The following BRINP3 variants were observed in gnomAD, a reference collection of about 807,000 sequenced individuals.
BRINP3 encodes the protein BMP/retinoic acid-inducible neural-specific protein 3.
Under a neutral mutation model 71.0 loss-of-function variants are expected in BRINP3, and 19 were observed. That is an observed-to-expected ratio of 0.27 (90% CI 0.19 to 0.39). The LOEUF is 0.39. Among genes scored for constraint, BRINP3 ranks in the 10% least tolerant of loss-of-function variants. BRINP3 has a pLI of 1.00. For missense variants in BRINP3, 959 were observed against 940.8 expected (o/e 1.02, Z -0.25); for synonymous variants, 380 against 337.7 (o/e 1.13, Z -1.37).
intron 1 of BRINP3, among the ~76,000 whole-genome samples, chr1:190,461,114 T>A (rs78383302): frequency 6.6e-6 from 1 of 152,320 alleles, no homozygotes; most frequent in East Asian, 1.9e-4. Flanking sequence ...TAATGACTTT[T>A]GTTTCAGGAT....
chr1:190,413,341 A>C (rs1672812189), intron 2 of BRINP3, among the ~76,000 whole-genome samples: 1 of 152,216 alleles, frequency 6.6e-6, no homozygotes, highest in Non-Finnish European at 1.5e-5. Context: ...TAAAATGATG[A>C]TGTCACCTAT....
At chr1:190,155,626 C>T (rs1312228856) in intron 7 of BRINP3, among the ~76,000 whole-genome samples, 1 of 151,700 alleles carries the variant, frequency 6.6e-6, no homozygotes, top group African/African-American at 2.4e-5. Flanking sequence ...GGCTCTGTTC[C>T]CCTACTCAAA....
At chr1:190,287,219 C>T (rs958848318) in intron 2 of BRINP3, among the ~76,000 whole-genome samples, 2 of 152,074 alleles carry the variant, frequency 1.3e-5, no homozygotes, top group South Asian at 2.1e-4. Context: ...GAGCGAGACT[C>T]CATCTCAAAA....
intron 2 of BRINP3, among the ~76,000 whole-genome samples, chr1:190,382,792 T>G (rs1670632101): frequency 6.6e-6 from 1 of 152,156 alleles, no homozygotes; most frequent in East Asian, 1.9e-4. Flanking sequence ...CCAGTAGGTC[T>G]TTGCAGTTTA....
intron 2 of BRINP3, among the ~76,000 whole-genome samples, chr1:190,346,111 G>A (rs1382706501): frequency 6.6e-6 from 1 of 151,924 alleles, no homozygotes; most frequent in Non-Finnish European, 1.5e-5. Context: ...TAATATGTTT[G>A]CAAAGGCAAG....
intron 2 of BRINP3, among the ~76,000 whole-genome samples, chr1:190,443,827 A>G (rs1675005384): frequency 6.6e-6 from 1 of 152,178 alleles, no homozygotes; most frequent in African/African-American, 2.4e-5. Flanking sequence ...TCAAGGCCCA[A>G]CTTGTATCAA....
Position 190,098,398 on chromosome 1 carries a change from T to G in BRINP3, c.1921A>C (p.Asn641His). The change falls in exon 8 of 8, where the codon AAT (asparagine) becomes CAT (histidine). Residue 641 changes from asparagine to histidine, a missense_variant. Asn to His is a moderately conservative substitution (Grantham distance 68, BLOSUM62 1). Coordinates refer to ENST00000367462, the MANE Select transcript of BRINP3 (RefSeq NM_199051.3). ...AGAGGTTCATAGTAAATGCTCTCAT[T>G]ACCATTGGGACCATTGGACTTGATG... is the stretch of plus-strand genomic sequence containing the variant. ...SRIKSNGPNG[N>H]ESIYYEPLEF... 6.2e-7 allele frequency: 1 copy of G among 1,614,194 alleles called. No individual in the cohort carries two copies. Among genetic ancestry groups the G allele is most frequent in the Non-Finnish European group, 8.5e-7 (1 of 1,180,042 alleles).
chr1:190,474,513 G>A (rs932275343), intron 1 of BRINP3: 7 of 152,542 alleles, frequency 4.6e-5, no homozygotes, highest in African/African-American at 1.7e-4. Flanking sequence ...TTATATCCTG[G>A]TGCTCTCTTC....
At chr1:190,368,749 G>A (rs917222449) in intron 2 of BRINP3, among the ~76,000 whole-genome samples, 8 of 152,098 alleles carry the variant, frequency 5.3e-5, no homozygotes, top group Admixed American at 2.0e-4. Context: ...AAATTTCCTC[G>A]GGCTCCAGAG....
chr1:190,185,877 T>TATTC (rs1339779956), intron 6 of BRINP3, among the ~76,000 whole-genome samples: 1 of 152,132 alleles, frequency 6.6e-6, no homozygotes, highest in Non-Finnish European at 1.5e-5. Context: ...GTGTTGGGAA[T>TATTC]ATTCAATATC....
At chr1:190,317,158 C>T (rs941532193) in intron 2 of BRINP3, among the ~76,000 whole-genome samples, 2 of 114,130 alleles carry the variant, frequency 1.8e-5, no homozygotes, top group Admixed American at 1.1e-4. Context: ...GGTGGCTGAG[C>T]GAGAGTCCAT....
chr1:190,269,362 G>A (rs1400431593), intron 3 of BRINP3, among the ~76,000 whole-genome samples: 1 of 151,988 alleles, frequency 6.6e-6, no homozygotes, highest in African/African-American at 2.4e-5. Context: ...AAATACAAAG[G>A]AAGGAAATAA....
At chr1:190,143,891 G>A (rs1346626449) in intron 7 of BRINP3, among the ~76,000 whole-genome samples, 1 of 152,130 alleles carries the variant, frequency 6.6e-6, no homozygotes, top group Non-Finnish European at 1.5e-5. Context: ...TATGAGAATT[G>A]CATAGCCATG....
At chr1:190,434,808 G>A (rs1319508227) in intron 2 of BRINP3, among the ~76,000 whole-genome samples, 1 of 152,096 alleles carries the variant, frequency 6.6e-6, no homozygotes, top group Non-Finnish European at 1.5e-5. Context: ...ACCCAAGCCT[G>A]AAAAACTATG....
At chr1:190,283,132 T>A (rs1663167972) in intron 2 of BRINP3, among the ~76,000 whole-genome samples, 1 of 152,016 alleles carries the variant, frequency 6.6e-6, no homozygotes, top group Admixed American at 6.6e-5. Context: ...GAATCACTTT[T>A]GAATCTAGGG....
In BRINP3 at chr1:190,362,020, C is replaced by A. The variant is rs570920230; in HGVS notation, c.237-80270G>T. The A allele has an allele frequency of 8.5e-5, 13 of 152,164 alleles. No homozygotes were observed. In the East Asian group the frequency reaches 2.1e-3, roughly 25 times the overall value. The allele number at this position is 152,164 out of a possible 1,614,324, so 9.4% of individuals were successfully genotyped here. On this transcript the variant is annotated intron_variant, in intron 2 of 7. Transcript: ENST00000367462. ...ATTAGAACTCTTATTAAAAAAGATA[C>A]CAGATAACTTGGTCACTCTCTTTCT...
At chr1:190,426,908 T>C (rs1673744647) in intron 2 of BRINP3, among the ~76,000 whole-genome samples, 1 of 151,842 alleles carries the variant, frequency 6.6e-6, no homozygotes, top group African/African-American at 2.4e-5. Flanking sequence ...ATTTCAGAGA[T>C]TAGTATGAGA....
intron 2 of BRINP3, among the ~76,000 whole-genome samples, chr1:190,372,246 G>A (rs2102197128): frequency 6.6e-6 from 1 of 152,246 alleles, no homozygotes; most frequent in South Asian, 2.1e-4. Flanking sequence ...CATTGCCTCT[G>A]CAACCTGTTG....
chr1:190,303,720 A>G (rs1183482074), intron 2 of BRINP3, among the ~76,000 whole-genome samples: 2 of 151,926 alleles, frequency 1.3e-5, no homozygotes, highest in East Asian at 3.9e-4. Flanking sequence ...AATTCACTCA[A>G]CTAAAATTAA....
Sources: allele counts gnomAD v4.1 joint callset (sites outside exome capture counted in the v4.1 genomes callset), GRCh38; gene constraint gnomAD v4.1.1; transcripts MANE v1.5; gene names NCBI Gene and HGNC (gene_info 2026-07-23, HGNC 2026-07-21).